The following ARHGAP9 variants were observed in gnomAD, a reference collection of about 807,000 sequenced individuals.
The protein encoded by ARHGAP9 is rho GTPase-activating protein 9.
Under a neutral mutation model 87.3 loss-of-function variants are expected in ARHGAP9, and 76 were observed. That is an observed-to-expected ratio of 0.87 (90% CI 0.72 to 1.05). The LOEUF (loss-of-function observed/expected upper bound fraction) is 1.05. ARHGAP9 is among the 50% of genes least tolerant of loss of function. The pLI, the probability that ARHGAP9 is intolerant of heterozygous loss-of-function variation, is 0.00. For missense variants in ARHGAP9, 941 were observed against 960.5 expected (o/e 0.98, Z 0.27); for synonymous variants, 382 against 394.9 (o/e 0.97, Z 0.39).
intron 1 of ARHGAP9, chr12:57,488,338 T>TCCACG: frequency 1.3e-6 from 1 of 799,656 alleles, no homozygotes; most frequent in Non-Finnish European, 2.0e-6. Context: ...CCTTGATCAC[T>TCCACG]CCACGCCTTC....
intron 1 of ARHGAP9, chr12:57,488,577 C>T (rs1358528898): frequency 6.4e-7 from 1 of 1,550,900 alleles, no homozygotes; most frequent in Non-Finnish European, 8.7e-7. Flanking sequence ...CCCTCTCTCC[C>T]CTCCTAACAC....
At position 57,475,869 on chromosome 12, in the gene ARHGAP9, G is replaced by T. The variant is rs1035049715; in HGVS notation, c.1275C>A (p.Ala425=). 1.2e-6 allele frequency: 2 copies of T among 1,613,852 alleles called. No individual in the cohort carries two copies. Among genetic ancestry groups the T allele is most frequent in the Non-Finnish European group, 1.7e-6 (2 of 1,179,946 alleles). The change falls in exon 10 of 18, where the codon GCC becomes GCA. Residue 425 remains alanine (A), a synonymous_variant. Coordinates refer to ENST00000393791, the MANE Select transcript of ARHGAP9 (RefSeq NM_032496.4). ...LQSDHETELR[A]WHRALRTVIE... is the part of the protein sequence containing the mutation. Reference sequence around the variant, plus strand: ...TGACAGTCCGCAGCGCGCGGTGCCAGGCTCGCAGCTCTGTCTCGTGGTCCG... The same window carrying T: ...TGACAGTCCGCAGCGCGCGGTGCCATGCTCGCAGCTCTGTCTCGTGGTCCG...
At chr12:57,482,487 G>A (rs1420364627), upstream of ARHGAP9, among the ~76,000 whole-genome samples, 2 of 151,994 alleles carry the variant, frequency 1.3e-5, no homozygotes, top group Non-Finnish European at 2.9e-5. Context: ...TGATCCACCC[G>A]CCTCGGCCTC....
rs374351364 is a variant in ARHGAP9 at position 57,472,654 on chromosome 12, G to C, written c.2059C>G (p.Pro687Ala). 1.9e-5 allele frequency: 31 copies of C among 1,614,090 alleles called. No homozygotes were observed. In the Middle Eastern group the frequency reaches 9.9e-4, roughly 51 times the overall value. ...IAHSDKNRMTPHNLGIVFGPT... is the reference protein window; with the variant it reads ...IAHSDKNRMTAHNLGIVFGPT... ...CCAAACACAATTCCCAGGTTGTGGG[G>C]TGTCATGCGATTCTTATCTGAGTGT... Residue 687 changes from proline to alanine, a missense_variant, in exon 18 of 18, where the codon CCC becomes GCC. Pro to Ala is a conservative substitution (Grantham distance 27). Transcript: ENST00000393791.
chr12:57,474,050 G>A lies in ARHGAP9; in HGVS notation c.1910C>T (p.Ala637Val). The A allele has an allele frequency of 1.2e-6, 2 of 1,613,718 alleles. No homozygotes were observed. The highest frequency in any genetic ancestry group is 1.7e-6 in the Non-Finnish European group (2 of 1,179,836). ...VPPLLLPHFR[A>V]ALALSESEQC... ...AAAGCTCCAACCCTTACCAAGGGCAGCACGGAAATGGGGCAGCAGCAGTGG... is the reference window on the plus strand; with the variant it reads ...AAAGCTCCAACCCTTACCAAGGGCAACACGGAAATGGGGCAGCAGCAGTGG... Residue 637 changes from alanine (A) to valine (V), a missense_variant, in exon 16 of 18, where the codon GCT becomes GTT. By Grantham distance (64) the Ala-to-Val change is moderately conservative. Coordinates refer to ENST00000393791, the MANE Select transcript of ARHGAP9 (RefSeq NM_032496.4).
upstream of ARHGAP9, among the ~76,000 whole-genome samples, chr12:57,482,093 C>T (rs1308730170): frequency 2.0e-5 from 3 of 152,114 alleles, no homozygotes; most frequent in African/African-American, 7.2e-5. Flanking sequence ...CTCCCAATAC[C>T]ACTATTTAGT....
chr12:57,478,479 A>T, intron 3 of ARHGAP9, 61 bp downstream of exon 3: 5 of 1,539,888 alleles, frequency 3.2e-6, no homozygotes. Context: ...TCCCCTGAAG[A>T]CAGAGGTGCT....
At position 57,474,962 on chromosome 12, in the gene ARHGAP9, C is replaced by G; in HGVS notation, c.1564G>C (p.Gly522Arg). 6.2e-7 allele frequency: 1 copy of G among 1,613,924 alleles called. No individual in the cohort carries two copies. The highest frequency in any genetic ancestry group is 8.5e-7 in the Non-Finnish European group (1 of 1,180,024). ...ERGLLRDQVFGCQLESLCQRE... is the reference protein window; with the variant it reads ...ERGLLRDQVFRCQLESLCQRE... ...TGGCAGAGTGATTCCAACTGGCAGC[C>G]GAACACCTGGTCTGGGGAAGTAGAG... is the stretch of plus-strand genomic sequence containing the variant. The change falls in exon 13 of 18, where the codon GGC becomes CGC. Residue 522 changes from glycine to arginine, a missense_variant. Transcript: ENST00000393791.
At chr12:57,488,351 C>A (rs996918356) in intron 1 of ARHGAP9, 3 of 753,222 alleles carry the variant, frequency 4.0e-6, no homozygotes, top group Admixed American at 2.7e-5. Context: ...ACGCCTTCTT[C>A]CCTCCCAGTC....
rs1187397860 is a variant in ARHGAP9 at position 57,476,382 on chromosome 12, T to C, written c.1098A>G (p.Thr366=). ...CACTCACCCAGCCTGAGGAGGGCGCTGTCGGCGGTGGCTCTCGGTAGAACA... is the reference window on the plus strand; with the variant it reads ...CACTCACCCAGCCTGAGGAGGGCGCCGTCGGCGGTGGCTCTCGGTAGAACA... The part of the protein sequence containing the change: ...SLVFYREPPP[T]APSSGWGPAG... Residue 366 remains threonine (T), a synonymous_variant, in exon 8 of 18, where the codon ACA becomes ACG. Transcript: ENST00000393791. 6 of 1,613,862 alleles carry C rather than the reference T, an allele frequency of 3.7e-6. No homozygotes were observed. The highest frequency in any genetic ancestry group is 4.2e-6 in the Non-Finnish European group (5 of 1,179,980).
At chr12:57,475,429 C>T in intron 11 of ARHGAP9, 31 bp from the exon 12 acceptor site, 1 of 1,576,968 alleles carries the variant, frequency 6.3e-7, no homozygotes, top group Non-Finnish European at 8.6e-7. Flanking sequence ...GGGGCGTGAG[C>T]GCCCGGGAGC....
upstream of ARHGAP9, among the ~76,000 whole-genome samples, chr12:57,481,739 C>T (rs1233370121): frequency 6.6e-6 from 1 of 152,184 alleles, no homozygotes; most frequent in Non-Finnish European, 1.5e-5. Context: ...GCAGGCAACA[C>T]AATTGACCTT....
intron 16 of ARHGAP9, 125 bp from the exon 17 acceptor site, chr12:57,473,833 T>A (rs968798279): frequency 5.3e-5 from 64 of 1,208,742 alleles, no homozygotes; most frequent in Middle Eastern, 2.2e-4. Flanking sequence ...GCTTTCTTTT[T>A]CACATAGCCC....
intron 17 of ARHGAP9, 129 bp from the exon 18 acceptor site, chr12:57,472,817 A>G: frequency 1.0e-6 from 1 of 970,344 alleles, no homozygotes; most frequent in Non-Finnish European, 1.6e-6. Context: ...TAACAAAAAA[A>G]CCAAGGAGAT....
Position 57,476,805 on chromosome 12 carries a change from G to C in ARHGAP9, c.963+66C>G, listed in dbSNP as rs373421111. The C allele has an allele frequency of 8.5e-6, 11 of 1,293,984 alleles. No homozygotes were observed. In the East Asian group the frequency reaches 1.4e-4, roughly 17 times the overall value. The allele number at this position is 1,293,984 out of a possible 1,614,324, so 80.2% of individuals were successfully genotyped here. On this transcript the variant is annotated intron_variant, in intron 6 of 17. Coordinates refer to ENST00000393791, the MANE Select transcript of ARHGAP9 (RefSeq NM_032496.4). ...TCAGAAAGAGGAAGATGTTTATGTG[G>C]AGCAGGAAAAGGGGGGAGGGGGGGC... is the stretch of plus-strand genomic sequence containing the variant.
At chr12:57,482,244 A>ATTTT (rs755969588), upstream of ARHGAP9, among the ~76,000 whole-genome samples, 1 of 145,644 alleles carries the variant, frequency 6.9e-6, no homozygotes, top group Admixed American at 6.9e-5. Context: ...TACAAAAAAA[A>ATTTT]TTTTTTTTTT....
upstream of ARHGAP9, chr12:57,480,119 T>C (rs1874861540): frequency 1.0e-6 from 1 of 985,116 alleles, no homozygotes; most frequent in African/African-American, 1.7e-5. Flanking sequence ...CTGAGAAGCC[T>C]TGATACTGTC....
upstream of ARHGAP9, chr12:57,479,959 G>C (rs1231679987): frequency 7.2e-7 from 1 of 1,395,212 alleles, no homozygotes; most frequent in Non-Finnish European, 9.3e-7. Flanking sequence ...CGTGCTTCCT[G>C]TGCAGACTCA....
rs942041583 is a variant in ARHGAP9, at chr12:57,476,606, C to T, written c.1009G>A (p.Gly337Arg). The change falls in exon 7 of 18, where the codon GGG becomes AGG. Residue 337 changes from glycine (G) to arginine (R), a missense_variant. Transcript: ENST00000393791. ...GGTTCTCACCTGAGCTTGCGCCCCCCTTGGGCAATCTTGGTCATGTTGAGC... is the reference window on the plus strand; with the variant it reads ...GGTTCTCACCTGAGCTTGCGCCCCCTTTGGGCAATCTTGGTCATGTTGAGC... ...GLLNMTKIAQ[G>R]GRKLRKNWGP... The T allele has an allele frequency of 2.5e-6, 4 of 1,614,020 alleles. No individual in the cohort carries two copies. Among genetic ancestry groups the T allele is most frequent in the African/African-American group, 1.3e-5 (1 of 74,912 alleles).
Sources: allele counts gnomAD v4.1 joint callset (sites outside exome capture counted in the v4.1 genomes callset), GRCh38; gene constraint gnomAD v4.1.1; transcripts MANE v1.5; gene names NCBI Gene and HGNC (gene_info 2026-07-23, HGNC 2026-07-21).